Variants in FNIP2 observed in about 807,000 individuals in gnomAD.
The protein encoded by FNIP2 is folliculin interacting protein 2.
Under a neutral mutation model 108.7 loss-of-function variants are expected in FNIP2, and 32 were observed. That is an observed-to-expected ratio of 0.29 (90% CI 0.22 to 0.40). The LOEUF (loss-of-function observed/expected upper bound fraction) is 0.40. Among genes scored for constraint, FNIP2 ranks in the 10% least tolerant of loss-of-function variants. The probability of loss-of-function intolerance (pLI) is 1.00; values close to 1 mark genes in which losing one functional copy is unlikely to be tolerated. For missense variants in FNIP2, 1,202 were observed against 1,381.6 expected, an observed-to-expected ratio of 0.87 and a Z score of 2.06; for synonymous variants, 480 against 496.7, an observed-to-expected ratio of 0.97 and a Z score of 0.45.
intron 14 of FNIP2, among the ~76,000 whole-genome samples, chr4:158,879,495 T>C (rs1781468018): frequency 1.3e-5 from 2 of 150,302 alleles, no homozygotes; most frequent in Non-Finnish European, 3.0e-5. Context: ...CCCCTTTCGC[T>C]GATGACCCCT....
chr4:158,842,658 G>A (rs766162004), intron 7 of FNIP2, among the ~76,000 whole-genome samples: 49 of 151,964 alleles, frequency 3.2e-4, no homozygotes, highest in Middle Eastern at 6.3e-3. Flanking sequence ...ACATATCCAC[G>A]TAACAAAACT....
intron 7 of FNIP2, chr4:158,836,446 G>T (rs533831942): frequency 6.6e-6 from 1 of 151,980 alleles, no homozygotes; most frequent in East Asian, 1.9e-4. Flanking sequence ...GGTTAAAATC[G>T]ATGTGTTTTG....
At chr4:158,855,353 G>A (rs1779924792) in intron 8 of FNIP2, among the ~76,000 whole-genome samples, 1 of 152,186 alleles carries the variant, frequency 6.6e-6, no homozygotes, top group African/African-American at 2.4e-5. Flanking sequence ...TGTGCGTGTG[G>A]GGTCGCATGC....
At chr4:158,786,651 A>G (rs1397450562) in intron 1 of FNIP2, among the ~76,000 whole-genome samples, 1 of 152,228 alleles carries the variant, frequency 6.6e-6, no homozygotes, top group Non-Finnish European at 1.5e-5. Flanking sequence ...ATGAGAGTTC[A>G]CAGTGGTTTT....
chr4:158,861,341 G>C lies in FNIP2; in HGVS notation c.1149-1G>C. On this transcript the variant is annotated splice_acceptor_variant, in intron 10 of 16. Transcript: ENST00000264433. LOFTEE classifies it high-confidence loss of function. The stretch of plus-strand genomic sequence containing the variant: ...TGTTTCCCTCTCTTTCTGTTCTATA[G>C]AGGAACTATCTGGAACTTATATTCT... 6.2e-7 allele frequency: 1 copy of C among 1,612,410 alleles called. No individual in the cohort carries two copies. Among genetic ancestry groups the C allele is most frequent in the Non-Finnish European group, 8.5e-7 (1 of 1,179,410 alleles).
intron 1 of FNIP2, among the ~76,000 whole-genome samples, chr4:158,801,574 G>A (rs1023343934): frequency 6.6e-6 from 1 of 152,188 alleles, no homozygotes; most frequent in African/African-American, 2.4e-5. Context: ...CCTTGGGCCA[G>A]TTCCTTAACC....
rs1050308720 is a variant in FNIP2 at position 158,906,802 on chromosome 4, A to G, written c.*2258A>G. On this transcript the variant is annotated 3_prime_UTR_variant, in exon 17 of 17. Transcript: ENST00000264433. The stretch of plus-strand genomic sequence containing the variant: ...TAAATTCAGCCTCTTCCTAAAAGCA[A>G]AAAAGAAAAAAAAAACCTCACAGAA... 3.3e-5 allele frequency: 5 copies of G among 152,148 alleles called. No individual in the cohort carries two copies. Among genetic ancestry groups the G allele is most frequent in the African/African-American group, 1.2e-4 (5 of 41,436 alleles). 9.4% of individuals were successfully genotyped at this position (152,148 alleles called of 1,614,324 possible).
chr4:158,819,057 GTTAAC>G (rs1015266015), intron 1 of FNIP2, among the ~76,000 whole-genome samples: 7 of 152,294 alleles, frequency 4.6e-5, no homozygotes, highest in African/African-American at 1.7e-4. Flanking sequence ...TAAAAATATA[GTTAAC>G]TTAATATTTA....
chr4:158,865,880 C>A (rs536619889), intron 12 of FNIP2, among the ~76,000 whole-genome samples: 1 of 152,184 alleles, frequency 6.6e-6, no homozygotes, highest in African/African-American at 2.4e-5. Context: ...AGCCTATAAT[C>A]TAGTCATTTT....
At chr4:158,889,965 A>G in intron 14 of FNIP2, 2 of 985,384 alleles carry the variant, frequency 2.0e-6, no homozygotes, top group Non-Finnish European at 2.4e-6. Flanking sequence ...GACTGTATAT[A>G]TGCATGTGTA....
intron 5 of FNIP2, among the ~76,000 whole-genome samples, chr4:158,832,352 T>C (rs984036700): frequency 1.3e-5 from 2 of 152,214 alleles, no homozygotes; most frequent in African/African-American, 4.8e-5. Flanking sequence ...ATGGCTGTCT[T>C]TATATGTTTT....
At chr4:158,830,856 G>A (rs941291230) in intron 3 of FNIP2, among the ~76,000 whole-genome samples, 22 of 152,130 alleles carry the variant, frequency 1.4e-4, no homozygotes, top group African/African-American at 4.3e-4. Flanking sequence ...ACTTAGCACG[G>A]GTGCTCAGAA....
At chr4:158,903,509 G>T (rs368760791) in intron 16 of FNIP2, among the ~76,000 whole-genome samples, 3 of 152,280 alleles carry the variant, frequency 2.0e-5, no homozygotes, top group East Asian at 3.9e-4. Flanking sequence ...TTACAGGTGT[G>T]CATCAACACG....
chr4:158,815,743 A>G (rs954523350), intron 1 of FNIP2, among the ~76,000 whole-genome samples: 1 of 152,208 alleles, frequency 6.6e-6, no homozygotes, highest in Non-Finnish European at 1.5e-5. Flanking sequence ...CTATACGTGT[A>G]TAATAAAACC....
chr4:158,773,134 A>G (rs1467590706), intron 1 of FNIP2, among the ~76,000 whole-genome samples: 1 of 152,222 alleles, frequency 6.6e-6, no homozygotes, highest in Admixed American at 6.5e-5. Context: ...AGTACACTCA[A>G]CATTTTTAAT....
At chr4:158,802,955 A>T (rs964301721) in intron 1 of FNIP2, among the ~76,000 whole-genome samples, 4 of 152,230 alleles carry the variant, frequency 2.6e-5, no homozygotes, top group Non-Finnish European at 5.9e-5. Context: ...TACAAATAGC[A>T]GCTTTAAAAA....
chr4:158,841,194 A>G (rs1779112642), intron 7 of FNIP2, among the ~76,000 whole-genome samples: 1 of 152,166 alleles, frequency 6.6e-6, no homozygotes, highest in Non-Finnish European at 1.5e-5. Context: ...TGGTTGGAGA[A>G]TGTCTTCAGA....
chr4:158,811,931 C>T (rs979025231), intron 1 of FNIP2, among the ~76,000 whole-genome samples: 2 of 152,178 alleles, frequency 1.3e-5, no homozygotes, highest in African/African-American at 2.4e-5. Flanking sequence ...ACAGAGAGAA[C>T]AGGAAGTACA....
intron 16 of FNIP2, among the ~76,000 whole-genome samples, chr4:158,898,465 C>T (rs1466921364): frequency 6.6e-6 from 1 of 152,132 alleles, no homozygotes; most frequent in Non-Finnish European, 1.5e-5. Flanking sequence ...TCTTCCTATC[C>T]ATGAGCATGG....
Sources: allele counts gnomAD v4.1 joint callset (sites outside exome capture counted in the v4.1 genomes callset), GRCh38; gene constraint gnomAD v4.1.1; transcripts MANE v1.5; gene names NCBI Gene and HGNC (gene_info 2026-07-23, HGNC 2026-07-21).